Variants in CHCHD3 observed in about 807,000 individuals in gnomAD.
CHCHD3 encodes the protein coiled-coil-helix-coiled-coil-helix domain containing 3, also known as MICOS complex subunit MIC19.
In CHCHD3, 20 loss-of-function variants were observed where a neutral mutation model predicts 38.2. The ratio of observed to expected loss-of-function variants is 0.52; its 90% CI spans 0.37 to 0.76. The LOEUF is 0.76. Among genes scored for constraint, CHCHD3 ranks in the 30% least tolerant of loss-of-function variants. The pLI is 0.00. For missense variants in CHCHD3, 245 were observed against 279.2 expected, an observed-to-expected ratio of 0.88 and a Z score of 0.87; for synonymous variants, 82 against 100.0, an observed-to-expected ratio of 0.82 and a Z score of 1.07.
chr7:132,990,982 A>ACACACACAC (rs60733079), intron 3 of CHCHD3, among the ~76,000 whole-genome samples: 1 of 150,446 alleles, frequency 6.6e-6, no homozygotes, highest in South Asian at 2.1e-4. Flanking sequence ...ACACACACAC[A>ACACACACAC]ACCTAACTCA....
chr7:133,079,906 C>A (rs954868497), intron 1 of CHCHD3, among the ~76,000 whole-genome samples: 1 of 152,148 alleles, frequency 6.6e-6, no homozygotes, highest in Non-Finnish European at 1.5e-5. Flanking sequence ...GATGTCACTT[C>A]TAGAGGAAAC....
At chr7:132,814,094 A>T (rs1486491452) in intron 6 of CHCHD3, among the ~76,000 whole-genome samples, 1 of 152,166 alleles carries the variant, frequency 6.6e-6, no homozygotes, top group East Asian at 1.9e-4. Flanking sequence ...ATAGTAGCAA[A>T]ATCTCGCCTA....
chr7:132,965,668 A>G (rs1298436278), intron 4 of CHCHD3, among the ~76,000 whole-genome samples: 1 of 152,188 alleles, frequency 6.6e-6, no homozygotes, highest in Non-Finnish European at 1.5e-5. Context: ...ATGTGCATAC[A>G]CTGGGCTAAA....
At chr7:132,961,393 T>C (rs529120024) in intron 4 of CHCHD3, among the ~76,000 whole-genome samples, 1 of 152,348 alleles carries the variant, frequency 6.6e-6, no homozygotes, top group African/African-American at 2.4e-5. Context: ...TCATCCACTA[T>C]GATACAAAAA....
intron 4 of CHCHD3, among the ~76,000 whole-genome samples, chr7:132,951,210 G>A (rs1235098929): frequency 6.6e-6 from 1 of 152,120 alleles, no homozygotes; most frequent in Non-Finnish European, 1.5e-5. Flanking sequence ...TGTTGAAAAG[G>A]CCAAGGAGGA....
At chr7:132,805,510 G>A (rs1806895822) in intron 6 of CHCHD3, among the ~76,000 whole-genome samples, 1 of 152,092 alleles carries the variant, frequency 6.6e-6, no homozygotes, top group Non-Finnish European at 1.5e-5. Flanking sequence ...GGAAGGGTTG[G>A]GTAGTGCTAA....
chr7:133,073,021 C>A (rs915202844), intron 1 of CHCHD3, among the ~76,000 whole-genome samples: 1 of 152,070 alleles, frequency 6.6e-6, no homozygotes, highest in African/African-American at 2.4e-5. Context: ...CTGGCTTTTA[C>A]CCTCAGTGCA....
chr7:132,983,712 C>T (rs552694085), intron 3 of CHCHD3, among the ~76,000 whole-genome samples: 7 of 152,052 alleles, frequency 4.6e-5, no homozygotes, highest in African/African-American at 1.7e-4. Context: ...GAAGTGCTCC[C>T]GAGAAGCAGA....
chr7:132,901,099 G>A (rs1809653999), intron 4 of CHCHD3, among the ~76,000 whole-genome samples: 1 of 152,212 alleles, frequency 6.6e-6, no homozygotes, highest in Non-Finnish European at 1.5e-5. Context: ...CACTGGTAAT[G>A]AAAGTACAAC....
chr7:132,864,662 A>G (rs904075464), intron 5 of CHCHD3, among the ~76,000 whole-genome samples: 5 of 152,218 alleles, frequency 3.3e-5, no homozygotes, highest in Non-Finnish European at 5.9e-5. Context: ...TGGACAAATA[A>G]GAGAAATGTA....
chr7:132,892,314 G>A (rs1383265413), intron 4 of CHCHD3, among the ~76,000 whole-genome samples: 1 of 152,210 alleles, frequency 6.6e-6, no homozygotes, highest in African/African-American at 2.4e-5. Context: ...TGGAGCAAAG[G>A]TGACACTTGC....
At chr7:132,961,607 T>C (rs1811323285) in intron 4 of CHCHD3, among the ~76,000 whole-genome samples, 1 of 152,242 alleles carries the variant, frequency 6.6e-6, no homozygotes, top group Non-Finnish European at 1.5e-5. Context: ...TCGCACACAA[T>C]GCATGCGTGC....
intron 3 of CHCHD3, among the ~76,000 whole-genome samples, chr7:132,990,492 T>C (rs764381021): frequency 6.6e-6 from 1 of 152,082 alleles, no homozygotes; most frequent in Non-Finnish European, 1.5e-5. Context: ...CCTGGACAGA[T>C]GACAATGTGA....
intron 4 of CHCHD3, among the ~76,000 whole-genome samples, chr7:132,890,089 T>C (rs1377076033): frequency 2.0e-5 from 3 of 152,154 alleles, no homozygotes; most frequent in African/African-American, 4.8e-5. Flanking sequence ...GGCTGGAAAA[T>C]GTGACACAAT....
intron 2 of CHCHD3, among the ~76,000 whole-genome samples, chr7:133,041,901 C>T (rs1020777108): frequency 1.2e-4 from 18 of 152,184 alleles, no homozygotes; most frequent in Admixed American, 2.0e-4. Context: ...GCCTTTGATA[C>T]GCTAATAGTC....
chr7:132,915,321 C>T (rs919313801), intron 4 of CHCHD3, among the ~76,000 whole-genome samples: 1 of 152,050 alleles, frequency 6.6e-6, no homozygotes, highest in African/African-American at 2.4e-5. Flanking sequence ...ACAGACTGAG[C>T]CCAGTTAGGG....
intron 5 of CHCHD3, among the ~76,000 whole-genome samples, chr7:132,843,145 C>T (rs978435609): frequency 6.6e-6 from 1 of 152,192 alleles, no homozygotes; most frequent in Non-Finnish European, 1.5e-5. Context: ...TCAAGTGATT[C>T]TCCTGCCTCA....
intron 4 of CHCHD3, among the ~76,000 whole-genome samples, chr7:132,966,573 A>G (rs559489484): frequency 6.6e-6 from 1 of 152,354 alleles, no homozygotes; most frequent in South Asian, 2.1e-4. Flanking sequence ...ATAGTTTATC[A>G]CATGGTAAAT....
chr7:132,941,824 A>C (rs976158938), intron 4 of CHCHD3, among the ~76,000 whole-genome samples: 14 of 152,168 alleles, frequency 9.2e-5, no homozygotes, highest in African/African-American at 3.1e-4. Flanking sequence ...CCACCTGTGG[A>C]ATCTGTCTGT....
Sources: gnomAD v4.1 joint callset for allele counts (sites outside exome capture counted in the v4.1 genomes callset) on GRCh38, gnomAD v4.1.1 for gene constraint, MANE v1.5 for transcripts, NCBI Gene and HGNC (gene_info 2026-07-23, HGNC 2026-07-21) for gene names.